The following CTTNBP2NL variants were observed in gnomAD, a reference collection of about 807,000 sequenced individuals.
CTTNBP2NL encodes CTTNBP2 N-terminal-like protein.
In CTTNBP2NL, 16 loss-of-function variants were observed where a neutral mutation model predicts 32.5. The observed-to-expected ratio is 0.49, with a 90% CI of 0.33 to 0.75. The LOEUF is 0.75. Ranked by LOEUF, CTTNBP2NL falls within the 30% of genes least tolerant of loss-of-function variation. The pLI is 0.02. For missense variants in CTTNBP2NL, 645 were observed against 756.0 expected (o/e 0.85, Z 1.72); for synonymous variants, 298 against 289.4 (o/e 1.03, Z -0.30).
chr1:112,426,005 C>G (rs2483355), intron 3 of CTTNBP2NL, among the ~76,000 whole-genome samples: 6,749 of 37,294 alleles, frequency 0.18, 304 homozygotes, highest in Middle Eastern at 0.32. Flanking sequence ...GTGTGTGTGT[C>G]TGTCTGTCTT....
Position 112,448,992 on chromosome 1 carries a change from C to T in CTTNBP2NL, c.150C>T (p.Ile50=). 6.2e-7 allele frequency: 1 copy of T among 1,613,386 alleles called. No homozygotes were observed. The highest frequency in any genetic ancestry group is 1.1e-5 in the South Asian group (1 of 91,054). Residue 50 remains isoleucine, a synonymous_variant, in exon 4 of 6, where the codon ATC becomes ATT. Transcript: ENST00000271277. The part of the protein sequence containing the change: ...FIEERYGKYN[I]SDPLMALQRD... The stretch of plus-strand genomic sequence containing the variant: ...AAGAACGCTATGGAAAATATAACAT[C>T]AGTGATCCTTTAATGGCTCTACAGA...
chr1:112,447,853 A>G (rs894017078), intron 3 of CTTNBP2NL, among the ~76,000 whole-genome samples: 1 of 152,264 alleles, frequency 6.6e-6, no homozygotes, highest in African/African-American at 2.4e-5. Flanking sequence ...AGCTTAAATT[A>G]TATAGTACTT....
At chr1:112,416,753 A>G (rs1374715637) in intron 3 of CTTNBP2NL, among the ~76,000 whole-genome samples, 1 of 151,962 alleles carries the variant, frequency 6.6e-6, no homozygotes, top group Non-Finnish European at 1.5e-5. Flanking sequence ...TAGCCTCCCA[A>G]AGTGCTGAAA....
intron 5 of CTTNBP2NL, among the ~76,000 whole-genome samples, chr1:112,455,219 A>T (rs997616339): frequency 2.6e-5 from 4 of 152,148 alleles, no homozygotes; most frequent in African/African-American, 9.7e-5. Flanking sequence ...AAAAAATATG[A>T]TTCAGGCTGG....
chr1:112,432,872 G>A (rs1192016787), intron 3 of CTTNBP2NL, among the ~76,000 whole-genome samples: 1 of 150,178 alleles, frequency 6.7e-6, no homozygotes, highest in Admixed American at 6.7e-5. Flanking sequence ...TTACTCATTT[G>A]CCTTTTGTTT....
intron 3 of CTTNBP2NL, among the ~76,000 whole-genome samples, chr1:112,418,297 A>G (rs924327068): frequency 9.2e-5 from 14 of 152,098 alleles, no homozygotes; most frequent in African/African-American, 2.9e-4. Context: ...TCCTATTCCA[A>G]AATTTCTGCA....
rs1298412399 is a variant in CTTNBP2NL at position 112,458,580 on chromosome 1, G to A, written c.*1168G>A. The A allele has an allele frequency of 1.3e-5, 2 of 152,002 alleles. No homozygotes were observed. The highest frequency in any genetic ancestry group is 1.9e-4 in the East Asian group (1 of 5,198). 9.4% of individuals were successfully genotyped at this position (152,002 alleles called of 1,614,324 possible). A position where few individuals can be genotyped will look rare whatever the true frequency, so the allele number is the denominator to read the frequency against. ...GAACTGCACATTAAGATTACCTACC[G>A]AAGCAACTAGATGTGGCTGGGACAC... On this transcript the variant is annotated 3_prime_UTR_variant, in exon 6 of 6. Coordinates refer to ENST00000271277, the MANE Select transcript of CTTNBP2NL (RefSeq NM_018704.3).
At chr1:112,448,083 C>G (rs1650108582) in intron 3 of CTTNBP2NL, among the ~76,000 whole-genome samples, 1 of 152,244 alleles carries the variant, frequency 6.6e-6, no homozygotes, top group African/African-American at 2.4e-5. Context: ...ATACTCCCAA[C>G]TGGGTACCCA....
chr1:112,441,412 C>T (rs938352412), intron 3 of CTTNBP2NL, among the ~76,000 whole-genome samples: 7 of 152,080 alleles, frequency 4.6e-5, no homozygotes, highest in Admixed American at 3.3e-4. Flanking sequence ...TCTAGTATTC[C>T]ATTTTATAAA....
chr1:112,402,750 A>G (rs890052036), intron 1 of CTTNBP2NL, among the ~76,000 whole-genome samples: 5 of 152,194 alleles, frequency 3.3e-5, no homozygotes, highest in African/African-American at 4.8e-5. Context: ...TATCAGTTTC[A>G]TCTTGTTGCC....
intron 3 of CTTNBP2NL, among the ~76,000 whole-genome samples, chr1:112,418,174 GCTTA>G (rs1426674236): frequency 6.6e-6 from 1 of 152,032 alleles, no homozygotes; most frequent in East Asian, 1.9e-4. Flanking sequence ...AAACCATATG[GCTTA>G]CTGTCACTTC....
At chr1:112,437,682 C>T (rs1012761063) in intron 3 of CTTNBP2NL, among the ~76,000 whole-genome samples, 3 of 152,046 alleles carry the variant, frequency 2.0e-5, no homozygotes, top group African/African-American at 7.2e-5. Context: ...CACCAGCACA[C>T]CCAGCTAATT....
At chr1:112,410,854 A>G (rs1178448072) in intron 1 of CTTNBP2NL, among the ~76,000 whole-genome samples, 1 of 152,246 alleles carries the variant, frequency 6.6e-6, no homozygotes, top group Non-Finnish European at 1.5e-5. Flanking sequence ...TGAGCTGAGC[A>G]TCTAGTTGAA....
chr1:112,400,953 A>C (rs1157153751), intron 1 of CTTNBP2NL, among the ~76,000 whole-genome samples: 1 of 145,800 alleles, frequency 6.9e-6, no homozygotes, highest in Non-Finnish European at 1.5e-5. Context: ...GTGACACAGC[A>C]AGACTCTGTC....
At chr1:112,399,091 G>T (rs777502598) in intron 1 of CTTNBP2NL, among the ~76,000 whole-genome samples, 1 of 151,744 alleles carries the variant, frequency 6.6e-6, no homozygotes, top group African/African-American at 2.4e-5. Context: ...AAGCTGAGGC[G>T]GGTGGATCAC....
chr1:112,447,204 G>A (rs1650071778), intron 3 of CTTNBP2NL, among the ~76,000 whole-genome samples: 1 of 150,854 alleles, frequency 6.6e-6, no homozygotes, highest in Non-Finnish European at 1.5e-5. Context: ...AACCCAAGAG[G>A]TGGAGCTTGC....
intron 4 of CTTNBP2NL, among the ~76,000 whole-genome samples, chr1:112,450,636 G>C (rs954983953): frequency 6.6e-6 from 1 of 152,008 alleles, no homozygotes; most frequent in African/African-American, 2.4e-5. Flanking sequence ...GGTGTACTAG[G>C]GACAGTTTGT....
intron 3 of CTTNBP2NL, among the ~76,000 whole-genome samples, chr1:112,440,574 C>T (rs116404199): frequency 2.7e-3 from 409 of 152,290 alleles, no homozygotes; most frequent in Admixed American, 6.8e-3. Flanking sequence ...ACATTCAGTG[C>T]TCTGCAGTGT....
At chr1:112,435,382 C>A (rs1649701948) in intron 3 of CTTNBP2NL, among the ~76,000 whole-genome samples, 1 of 151,996 alleles carries the variant, frequency 6.6e-6, no homozygotes, top group Admixed American at 6.6e-5. Flanking sequence ...ATCTTATTTA[C>A]CACTATATCC....
Sources: allele counts gnomAD v4.1 joint callset (sites outside exome capture counted in the v4.1 genomes callset), GRCh38; gene constraint gnomAD v4.1.1; transcripts MANE v1.5; gene names NCBI Gene and HGNC (gene_info 2026-07-23, HGNC 2026-07-21).